The following SUSD1 variants were observed in gnomAD, a reference collection of about 807,000 sequenced individuals.
SUSD1 encodes the protein sushi domain-containing protein 1.
Under a neutral mutation model 86.9 loss-of-function variants are expected in SUSD1, and 65 were observed. That is an observed-to-expected ratio of 0.75 (90% CI 0.61 to 0.92). SUSD1 has a LOEUF of 0.92. Ranked by LOEUF, SUSD1 falls within the 40% of genes least tolerant of loss-of-function variation. The probability of loss-of-function intolerance (pLI) is 0.00; values close to 1 mark genes in which losing one functional copy is unlikely to be tolerated. For synonymous variants in SUSD1, 346 were observed against 350.0 expected (o/e 0.99, Z 0.13); for missense variants, 850 against 929.7 (o/e 0.91, Z 1.11).
Position 112,149,134 on chromosome 9 carries a change from T to C in SUSD1, c.373+110A>G, listed in dbSNP as rs1387840246. On this transcript the variant is annotated intron_variant, in intron 3 of 16. Transcript: ENST00000374270. ...TATTATCCTATATACCACAATACCA[T>C]TATGCCATCTAACAAAACTAACATT... The C allele has an allele frequency of 2.1e-6, 3 of 1,427,922 alleles. No individual in the cohort carries two copies. The African/African-American group carries it at 4.3e-5, about 20-fold the overall frequency. 88.5% of individuals were successfully genotyped at this position (1,427,922 alleles called of 1,614,324 possible).
intron 1 of SUSD1, among the ~76,000 whole-genome samples, chr9:112,166,236 G>A (rs1444090565): frequency 1.3e-5 from 2 of 152,168 alleles, no homozygotes; most frequent in Admixed American, 6.5e-5. Flanking sequence ...CTGACCACAC[G>A]GGTCCACTGT....
At position 112,175,019 on chromosome 9, in the gene SUSD1, C is replaced by T. The variant is rs1834212219; in HGVS notation, c.103+114G>A. On this transcript the variant is annotated intron_variant, in intron 1 of 16. Coordinates refer to ENST00000374270, the MANE Select transcript of SUSD1 (RefSeq NM_022486.5). The surrounding 1 kb of genome is among the most constrained non-coding windows in gnomAD (Gnocchi z 4.7). Reference sequence around the variant, plus strand: ...CGCGGGCCCCACCTGCGCCCCACGCCTCGGCACCGCGCCGGCCCGGCCCAG... The same window carrying T: ...CGCGGGCCCCACCTGCGCCCCACGCTTCGGCACCGCGCCGGCCCGGCCCAG... The T allele has an allele frequency of 2.4e-6, 2 of 846,560 alleles. No individual in the cohort carries two copies. Among genetic ancestry groups the T allele is most frequent in the Admixed American group, 6.2e-5 (1 of 16,258 alleles). 52.4% of individuals were successfully genotyped at this position (846,560 alleles called of 1,614,324 possible).
chr9:112,157,178 G>A (rs1243210157), intron 2 of SUSD1, among the ~76,000 whole-genome samples: 1 of 152,130 alleles, frequency 6.6e-6, no homozygotes, highest in Non-Finnish European at 1.5e-5. Flanking sequence ...AATAACCAGA[G>A]AAATTAAGCA....
intron 13 of SUSD1, among the ~76,000 whole-genome samples, chr9:112,059,775 T>C (rs1828628710): frequency 6.6e-6 from 1 of 152,216 alleles, no homozygotes; most frequent in Admixed American, 6.5e-5. Context: ...GCACTGAGAA[T>C]GAATCACACT....
chr9:112,058,482 C>T lies in SUSD1; in HGVS notation c.2055G>A (p.Leu685=). The T allele has an allele frequency of 1.2e-6, 2 of 1,614,150 alleles. No homozygotes were observed. The highest frequency in any genetic ancestry group is 2.2e-5 in the East Asian group (1 of 44,884). ...TAATGCAGTAATCACTCCCTCTTTT[C>T]AAGGGTGCATTATAATATTCCCCAT... ...LYYGEYYNAP[L]KRGSDYCIIL... The change falls in exon 14 of 17, where the codon TTG becomes TTA. Residue 685 remains leucine (L), a synonymous_variant. Transcript: ENST00000374270.
At chr9:112,087,717 G>A (rs1365896560) in intron 10 of SUSD1, among the ~76,000 whole-genome samples, 1 of 152,136 alleles carries the variant, frequency 6.6e-6, no homozygotes, top group Non-Finnish European at 1.5e-5. Flanking sequence ...CAAAAATAAA[G>A]TGAATGAAGT....
intron 2 of SUSD1, among the ~76,000 whole-genome samples, chr9:112,153,001 T>G (rs1018962135): frequency 6.6e-6 from 1 of 152,070 alleles, no homozygotes; most frequent in African/African-American, 2.4e-5. Context: ...CACAGTGATT[T>G]GCATCTGTAA....
intron 5 of SUSD1, among the ~76,000 whole-genome samples, chr9:112,138,813 A>T (rs1589711035): frequency 6.6e-6 from 1 of 152,266 alleles, no homozygotes; most frequent in Middle Eastern, 3.4e-3. Context: ...ATAATATTCC[A>T]TTTTAAGGGA....
intron 6 of SUSD1, among the ~76,000 whole-genome samples, chr9:112,116,019 G>C (rs187676708): frequency 1.1e-4 from 17 of 152,084 alleles, no homozygotes; most frequent in African/African-American, 4.1e-4. Context: ...TGGCATCTCT[G>C]CTCACTTACA....
At chr9:112,051,408 C>CTTTTTTTTTTTTTT (rs746946192) in intron 15 of SUSD1, among the ~76,000 whole-genome samples, 80 of 77,014 alleles carry the variant, frequency 1.0e-3, no homozygotes, top group Admixed American at 1.3e-3. Flanking sequence ...TTTTTCTTTT[C>CTTTTTTTTTTTTTT]TTTTTTTTTT....
chr9:112,099,321 G>C (rs1830530831), intron 9 of SUSD1, among the ~76,000 whole-genome samples: 1 of 152,154 alleles, frequency 6.6e-6, no homozygotes, highest in Admixed American at 6.5e-5. Flanking sequence ...GATTACAAGT[G>C]TGAGCCATTG....
At chr9:112,054,993 A>G (rs142669258) in intron 14 of SUSD1, among the ~76,000 whole-genome samples, 36 of 152,362 alleles carry the variant, frequency 2.4e-4, no homozygotes, top group Admixed American at 6.5e-4. Context: ...TAACAAAAAC[A>G]AAAACAACCC....
intron 6 of SUSD1, among the ~76,000 whole-genome samples, chr9:112,115,181 G>A (rs1824372926): frequency 6.6e-6 from 1 of 152,190 alleles, no homozygotes; most frequent in Non-Finnish European, 1.5e-5. Context: ...TTAGGTACCT[G>A]TAGGGCCAAT....
chr9:112,083,136 G>C (rs1829836216), intron 10 of SUSD1, among the ~76,000 whole-genome samples: 1 of 152,118 alleles, frequency 6.6e-6, no homozygotes, highest in Non-Finnish European at 1.5e-5. Context: ...AAAATAAAAA[G>C]ATCCATATTC....
At chr9:112,084,785 C>T (rs1304414013) in intron 10 of SUSD1, among the ~76,000 whole-genome samples, 1 of 152,184 alleles carries the variant, frequency 6.6e-6, no homozygotes, top group Non-Finnish European at 1.5e-5. Flanking sequence ...AGTGGTTACT[C>T]TGTGTTCTCT....
chr9:112,127,366 C>A (rs375199256), intron 5 of SUSD1, among the ~76,000 whole-genome samples: 71 of 152,160 alleles, frequency 4.7e-4, no homozygotes, highest in African/African-American at 1.5e-3. Context: ...GAGTGAGACT[C>A]CATCTCAAAA....
At chr9:112,170,710 T>TATGTATAGAGAGAG (rs758442726) in intron 1 of SUSD1, among the ~76,000 whole-genome samples, 1 of 113,794 alleles carries the variant, frequency 8.8e-6, no homozygotes, top group African/African-American at 3.8e-5. Flanking sequence ...TATATATATA[T>TATGTATAGAGAGAG]AGAGAGAGAG....
intron 1 of SUSD1, among the ~76,000 whole-genome samples, chr9:112,172,776 C>T (rs1309045188): frequency 6.6e-6 from 1 of 152,160 alleles, no homozygotes; most frequent in Non-Finnish European, 1.5e-5. Flanking sequence ...GCTGTCATTA[C>T]TGTGGGCCCA....
At chr9:112,145,987 A>G (rs558094296) in intron 3 of SUSD1, 1 of 152,274 alleles carries the variant, frequency 6.6e-6, no homozygotes, top group Admixed American at 6.5e-5. Flanking sequence ...ACCTGCAACC[A>G]GCTCCTGAGC....
Sources: gnomAD v4.1 joint callset for allele counts (sites outside exome capture counted in the v4.1 genomes callset) on GRCh38, gnomAD v4.1.1 for gene constraint, Gnocchi (gnomAD v3.1) non-coding constraint, MANE v1.5 for transcripts, NCBI Gene and HGNC (gene_info 2026-07-23, HGNC 2026-07-21) for gene names.